Variants in LARGE1 observed in about 807,000 individuals in gnomAD.
LARGE1 encodes the protein xylosyl- and glucuronyltransferase LARGE1.
In LARGE1, 43 loss-of-function variants were observed where a neutral mutation model predicts 87.6. The ratio of observed to expected loss-of-function variants is 0.49; its 90% CI spans 0.38 to 0.63. LARGE1 has a LOEUF of 0.63. Among genes scored for constraint, LARGE1 ranks in the 30% least tolerant of loss-of-function variants. The pLI is 0.00. For missense variants in LARGE1, 802 were observed against 1,000.2 expected (o/e 0.80, Z 2.67); for synonymous variants, 434 against 394.6 (o/e 1.10, Z -1.18).
chr22:33,190,297 G>T (rs1036612408), intron 11 of LARGE1, among the ~76,000 whole-genome samples: 1 of 152,126 alleles, frequency 6.6e-6, no homozygotes, highest in Non-Finnish European at 1.5e-5. Context: ...TACATAAAAA[G>T]AACAGAGTTT....
At chr22:33,444,681 T>A (rs984300501) in intron 6 of LARGE1, among the ~76,000 whole-genome samples, 3 of 152,136 alleles carry the variant, frequency 2.0e-5, no homozygotes, top group African/African-American at 7.2e-5. Flanking sequence ...TGGTATAAGG[T>A]TAATGAAAGG....
At chr22:33,861,456 C>A in intron 1 of LARGE1, 1 of 152,340 alleles carries the variant, frequency 6.6e-6, no homozygotes, top group African/African-American at 2.4e-5. Flanking sequence ...AACAAGAAAT[C>A]ATAACAGCGA....
intron 6 of LARGE1, among the ~76,000 whole-genome samples, chr22:33,462,055 TA>T (rs1215155224): frequency 6.6e-6 from 1 of 152,202 alleles, no homozygotes; most frequent in Non-Finnish European, 1.5e-5. Flanking sequence ...AGTTTTATGG[TA>T]ATTTATTATT....
chr22:33,482,671 C>T (rs1392406777), intron 6 of LARGE1, among the ~76,000 whole-genome samples: 4 of 151,926 alleles, frequency 2.6e-5, no homozygotes, highest in Non-Finnish European at 4.4e-5. Context: ...AACAAACCTG[C>T]ACGTTCTGCA....
At position 33,650,424 on chromosome 22, in the gene LARGE1, G is replaced by A. The variant is rs201273864; in HGVS notation, c.351C>T (p.Gly117=). 40 of 1,614,142 alleles carry A rather than the reference G, an allele frequency of 2.5e-5. No homozygotes were observed. Among genetic ancestry groups the A allele is most frequent in the Non-Finnish European group, 3.4e-5 (40 of 1,180,044 alleles). The change falls in exon 3 of 15, where the codon GGC becomes GGT. Residue 117 remains glycine (G), a synonymous_variant. Coordinates refer to ENST00000397394, the MANE Select transcript of LARGE1 (RefSeq NM_133642.5). ...ACTCGGAGCTGTTGCCTGCCACGAT[G>A]CCAGCCCGAAGGTTCTCGCTGTCTC... ...GTGDSENLRA[G]IVAGNSSECG... is the part of the protein sequence containing the mutation.
At chr22:33,672,603 A>G (rs753325487) in intron 2 of LARGE1, among the ~76,000 whole-genome samples, 9 of 152,212 alleles carry the variant, frequency 5.9e-5, no homozygotes, top group Non-Finnish European at 1.3e-4. Context: ...AAGTAAGTCT[A>G]TCTGGTTGAG....
chr22:33,882,961 A>G (rs554846069), intron 1 of LARGE1, among the ~76,000 whole-genome samples: 1 of 152,308 alleles, frequency 6.6e-6, no homozygotes, highest in South Asian at 2.1e-4. Flanking sequence ...AGGCCATGAG[A>G]CATGACACAC....
At chr22:33,123,382 T>C in the LARGE1 span, among the ~76,000 whole-genome samples, 1 of 151,572 alleles carries the variant, frequency 6.6e-6, no homozygotes, top group African/African-American at 2.4e-5. Flanking sequence ...GTTTTTTTCC[T>C]CTTTAAATCA....
chr22:33,176,660 G>T (rs530644293), intron 11 of LARGE1, among the ~76,000 whole-genome samples: 43 of 152,298 alleles, frequency 2.8e-4, no homozygotes, highest in African/African-American at 9.9e-4. Context: ...GGAAACAACA[G>T]ATGCTGGAGA....
chr22:33,904,752 A>T (rs544903024), intron 1 of LARGE1, among the ~76,000 whole-genome samples: 1 of 152,292 alleles, frequency 6.6e-6, no homozygotes, highest in African/African-American at 2.4e-5. Flanking sequence ...TTTGTACCTG[A>T]AACAGTCCTC....
intron 3 of LARGE1, among the ~76,000 whole-genome samples, chr22:33,636,609 C>A (rs2080274986): frequency 6.6e-6 from 1 of 152,148 alleles, no homozygotes; most frequent in African/African-American, 2.4e-5. Context: ...CTCACTGCAG[C>A]CTCAAATTCC....
intron 4 of LARGE1, among the ~76,000 whole-genome samples, chr22:33,619,032 T>G (rs1005739528): frequency 1.3e-5 from 2 of 152,184 alleles, no homozygotes; most frequent in African/African-American, 4.8e-5. Flanking sequence ...CTCTCCTGCC[T>G]TTGAGTAGGG....
intron 6 of LARGE1, among the ~76,000 whole-genome samples, chr22:33,466,684 C>A (rs1459107629): frequency 1.6e-5 from 2 of 127,924 alleles, no homozygotes; most frequent in Admixed American, 8.2e-5. Context: ...TTCACCCCCT[C>A]TCTCTCTCTA....
At chr22:33,700,284 C>CTGGA (rs1242878734) in intron 2 of LARGE1, among the ~76,000 whole-genome samples, 4 of 152,184 alleles carry the variant, frequency 2.6e-5, no homozygotes, top group Non-Finnish European at 5.9e-5. Context: ...CTGATGCATG[C>CTGGA]TGGAGTTTGA....
At chr22:33,230,829 C>A (rs1316546811) in intron 11 of LARGE1, among the ~76,000 whole-genome samples, 1 of 152,174 alleles carries the variant, frequency 6.6e-6, no homozygotes, top group Non-Finnish European at 1.5e-5. Flanking sequence ...CAAAAAGAGA[C>A]CATTCAGACC....
At chr22:33,362,850 C>T (rs904518893) in intron 9 of LARGE1, among the ~76,000 whole-genome samples, 3 of 149,566 alleles carry the variant, frequency 2.0e-5, no homozygotes, top group Admixed American at 1.3e-4. Context: ...AACCCAGGAC[C>T]GTCCTCCAAT....
At chr22:33,299,567 G>A (rs925550892) in intron 12 of LARGE1, among the ~76,000 whole-genome samples, 1 of 152,218 alleles carries the variant, frequency 6.6e-6, no homozygotes, top group Non-Finnish European at 1.5e-5. Flanking sequence ...GTTTGCAATG[G>A]CGGGGGTTGG....
intron 6 of LARGE1, among the ~76,000 whole-genome samples, chr22:33,442,783 G>A (rs1420352213): frequency 2.0e-5 from 3 of 151,470 alleles, no homozygotes; most frequent in Non-Finnish European, 1.5e-5. Context: ...CAGGCACTGG[G>A]ATACTGATAG....
intron 6 of LARGE1, among the ~76,000 whole-genome samples, chr22:33,484,393 T>C (rs1343845098): frequency 6.6e-6 from 1 of 152,192 alleles, no homozygotes; most frequent in Non-Finnish European, 1.5e-5. Flanking sequence ...TAAATCTTAC[T>C]GTGAATCATA....
Sources: gnomAD v4.1 joint callset for allele counts (sites outside exome capture counted in the v4.1 genomes callset) on GRCh38, gnomAD v4.1.1 for gene constraint, MANE v1.5 for transcripts, NCBI Gene and HGNC (gene_info 2026-07-23, HGNC 2026-07-21) for gene names.